The following RELCH variants were observed in gnomAD, a reference collection of about 807,000 sequenced individuals.
RELCH encodes RAB11 binding and LisH domain, coiled-coil and HEAT repeat containing.
A neutral mutation model predicts 150.3 loss-of-function variants in RELCH; 41 were observed. The ratio of observed to expected loss-of-function variants is 0.27; its 90% CI spans 0.21 to 0.35. RELCH has a LOEUF of 0.35. Ranked by LOEUF, RELCH falls within the 10% of genes least tolerant of loss-of-function variation. The probability of loss-of-function intolerance (pLI) is 1.00; values close to 1 mark genes in which losing one functional copy is unlikely to be tolerated. For missense variants in RELCH, 1,092 were observed against 1,467.8 expected (o/e 0.74, Z 4.18); for synonymous variants, 478 against 531.8 (o/e 0.90, Z 1.39).
chr18:62,256,396 T>C (rs2042993712), intron 13 of RELCH, among the ~76,000 whole-genome samples: 1 of 151,988 alleles, frequency 6.6e-6, no homozygotes, highest in Non-Finnish European at 1.5e-5. Flanking sequence ...CACGGTGAAA[T>C]TTTTTTAATG....
rs1292451256 is a variant in RELCH at position 62,205,041 on chromosome 18, C to G, written c.527-6112C>G. ...AATTTTTTACCCATACATCCACCAC[C>G]TAATTCCAGTTAACCATACTTGGTT... On this transcript the variant is annotated intron_variant, in intron 1 of 28. Transcript: ENST00000644646. Among the ~76,000 whole-genome samples the G allele has an allele frequency of 3.3e-5, 5 of 152,306 alleles. No individual in the cohort carries two copies. In the South Asian group the frequency reaches 1.0e-3, roughly 32 times the overall value.
At position 62,187,412 on chromosome 18, in the gene RELCH, G is replaced by C; in HGVS notation, c.-94G>C. ...GGCAGGACGTGGTCAGGCCGGGGCT[G>C]TGGAGGTGCGCTGTGTCCCCTGAGG... is the stretch of plus-strand genomic sequence containing the variant. On this transcript the variant is annotated 5_prime_UTR_variant, in exon 1 of 29. Transcript: ENST00000644646. 8.1e-7 allele frequency: 1 copy of C among 1,237,748 alleles called. No homozygotes were observed. The highest frequency in any genetic ancestry group is 1.1e-6 in the Non-Finnish European group (1 of 946,486). 76.7% of individuals were successfully genotyped at this position (1,237,748 alleles called of 1,614,324 possible).
At chr18:62,223,251 AAGAG>A (rs1382020051) in intron 5 of RELCH, among the ~76,000 whole-genome samples, 1 of 152,024 alleles carries the variant, frequency 6.6e-6, no homozygotes, top group Non-Finnish European at 1.5e-5. Flanking sequence ...GATTAGGAAA[AAGAG>A]AGAAGATACA....
chr18:62,243,174 T>C (rs1435973160), intron 10 of RELCH, among the ~76,000 whole-genome samples: 1 of 152,120 alleles, frequency 6.6e-6, no homozygotes, highest in Non-Finnish European at 1.5e-5. Flanking sequence ...TATCATTGCC[T>C]CTCAGCAGCC....
rs74355326 is a variant in RELCH, at chr18:62,208,968, G to A, written c.527-2185G>A. ...CCTTTTCCAGGTCCTAGAGGATGCC[G>A]GAATTCCTTGGCTCATGGCCCTCCT... On this transcript the variant is annotated intron_variant, in intron 1 of 28. Transcript: ENST00000644646. Among the ~76,000 whole-genome samples, 1,085 of 152,200 alleles carry A rather than the reference G, an allele frequency of 7.1e-3. 14 individuals carry two copies. The highest frequency in any genetic ancestry group is 0.025 in the African/African-American group (1,033 of 41,530).
chr18:62,308,950 T>G lies in RELCH; in HGVS notation c.*3416T>G, dbSNP rs1347218529. On this transcript the variant is annotated 3_prime_UTR_variant, in exon 29 of 29. Coordinates refer to ENST00000644646, the MANE Select transcript of RELCH (RefSeq NM_001346231.2). Reference sequence around the variant, plus strand: ...TTTTTTTCAGTACATTAAAAAGAAATAGAGACTGGCCGGGCACGGTGGCTC... The same window carrying G: ...TTTTTTTCAGTACATTAAAAAGAAAGAGAGACTGGCCGGGCACGGTGGCTC... The G allele has an allele frequency of 9.9e-5, 15 of 151,834 alleles. No homozygotes were observed. The highest frequency in any genetic ancestry group is 9.2e-4 in the Admixed American group (14 of 15,254). The allele number at this position is 151,834 out of a possible 1,614,324, so 9.4% of individuals were successfully genotyped here.
Position 62,257,943 on chromosome 18 carries a change from T to C in RELCH, c.1897-5T>C. The C allele has an allele frequency of 6.3e-7, 1 of 1,584,910 alleles. No homozygotes were observed. Among genetic ancestry groups the C allele is most frequent in the Non-Finnish European group, 8.6e-7 (1 of 1,167,550 alleles). On this transcript the variant is annotated splice_polypyrimidine_tract_variant and splice_region_variant and intron_variant, in intron 13 of 28. Transcript: ENST00000644646. ...AATAAATAGTAAAAACATGTTTATT[T>C]TCAGAAAGAAATCCGTAGCTCCTTG...
At chr18:62,304,504 G>T (rs554001997) in intron 28 of RELCH, among the ~76,000 whole-genome samples, 314 of 152,344 alleles carry the variant, frequency 2.1e-3, no homozygotes, top group African/African-American at 7.2e-3. Context: ...GCCACACGTT[G>T]TCTTTGACAT....
intron 25 of RELCH, among the ~76,000 whole-genome samples, chr18:62,286,843 G>A (rs776823542): frequency 5.3e-5 from 8 of 152,116 alleles, no homozygotes; most frequent in Non-Finnish European, 7.4e-5. Context: ...AAACTCAGCC[G>A]CCAGTGCTGT....
At chr18:62,221,597 TA>T in intron 5 of RELCH, 100 bp downstream of exon 5, 1 of 514,124 alleles carries the variant, frequency 1.9e-6, no homozygotes, top group South Asian at 3.8e-5. Flanking sequence ...GTTATATATA[TA>T]GTAAAATTCT....
At position 62,227,638 on chromosome 18, in the gene RELCH, T is replaced by G. The variant is rs534603181; in HGVS notation, c.1103T>G (p.Leu368Trp). The change falls in exon 7 of 29, where the codon TTG becomes TGG. Residue 368 changes from leucine to tryptophan, a missense_variant. Leu to Trp is a moderately conservative substitution (Grantham distance 61, BLOSUM62 -2). Coordinates refer to ENST00000644646, the MANE Select transcript of RELCH (RefSeq NM_001346231.2). ...CAGAAATTAGAAGATAAAATTAGTT[T>G]GTTAAATAGTGAGAAATGGTCATTG... is the stretch of plus-strand genomic sequence containing the variant. ...LVQKLEDKIS[L>W]LNSEKWSLME... The G allele has an allele frequency of 4.5e-6, 7 of 1,569,910 alleles. No individual in the cohort carries two copies. The highest frequency in any genetic ancestry group is 4.5e-5 in the East Asian group (2 of 44,600).
In RELCH at chr18:62,309,986, T is replaced by C. The variant is rs918121368; in HGVS notation, c.*4452T>C. The stretch of plus-strand genomic sequence containing the variant: ...TGGAAAAGTAACCCTTTCTTAATTG[T>C]TGGCATTTTAAACCTTAGATATTTT... On this transcript the variant is annotated 3_prime_UTR_variant, in exon 29 of 29. Transcript: ENST00000644646. The C allele has an allele frequency of 6.6e-6, 1 of 152,228 alleles. No homozygotes were observed. Among genetic ancestry groups the C allele is most frequent in the African/African-American group, 2.4e-5 (1 of 41,456 alleles). 9.4% of individuals were successfully genotyped at this position (152,228 alleles called of 1,614,324 possible). A position where few individuals can be genotyped will look rare whatever the true frequency, so the allele number is the denominator to read the frequency against.
At chr18:62,288,174 C>A (rs1164451300) in intron 26 of RELCH, among the ~76,000 whole-genome samples, 2 of 152,028 alleles carry the variant, frequency 1.3e-5, no homozygotes, top group East Asian at 3.9e-4. Flanking sequence ...AAAGTGAACT[C>A]CCAACTTTTA....
At chr18:62,290,251 T>C (rs2045043629) in intron 26 of RELCH, among the ~76,000 whole-genome samples, 1 of 152,172 alleles carries the variant, frequency 6.6e-6, no homozygotes, top group African/African-American at 2.4e-5. Context: ...ATCATCTTTA[T>C]GGCCGGGCAC....
rs563120344 is a variant in RELCH at position 62,247,996 on chromosome 18, A to G, written c.1733+3120A>G. 2.6e-5 allele frequency among the ~76,000 whole-genome samples: 4 copies of G among 152,266 alleles called. No individual in the cohort carries two copies. The East Asian group carries it at 7.7e-4, about 29-fold the overall frequency. On this transcript the variant is annotated intron_variant, in intron 11 of 28. Coordinates refer to ENST00000644646, the MANE Select transcript of RELCH (RefSeq NM_001346231.2). ...ATCCTGATGGACAAAATGTAAATGT[A>G]TATGTTCCTGCAATATCAGGCCCTG... is the stretch of plus-strand genomic sequence containing the variant.
chr18:62,268,908 T>C lies in RELCH; in HGVS notation c.2720T>C (p.Val907Ala), dbSNP rs2043736996. ...AGNGVLTKAT[V>A]PIYATGVLTC... ...AATGGGGTCCTCACTAAAGCTACAG[T>C]CCCCATTTATGCAACAGGAGTCCTT... The change falls in exon 20 of 29, where the codon GTC (valine) becomes GCC (alanine). Residue 907 changes from valine to alanine, a missense_variant. This residue lies in a region of RELCH where 707 missense variants were observed against 1,025.4 expected (regional missense o/e 0.69). Transcript: ENST00000644646. The C allele has an allele frequency of 6.4e-7, 1 of 1,555,524 alleles. No homozygotes were observed.
chr18:62,253,267 T>TGTG (rs2042820373), intron 12 of RELCH, among the ~76,000 whole-genome samples: 1 of 136,454 alleles, frequency 7.3e-6, no homozygotes, highest in Non-Finnish European at 1.6e-5. Context: ...AGCAAGAAGA[T>TGTG]TGTGTGTGTG....
intron 5 of RELCH, among the ~76,000 whole-genome samples, chr18:62,222,607 G>T (rs966990251): frequency 1.3e-5 from 2 of 151,816 alleles, no homozygotes; most frequent in Non-Finnish European, 2.9e-5. Flanking sequence ...AGTCCTTCTC[G>T]AATAAAAATC....
In RELCH at chr18:62,287,550, A is replaced by C. The variant is rs534070609; in HGVS notation, c.3370+83A>C. The C allele has an allele frequency of 1.1e-4, 84 of 770,980 alleles. 1 individual carries two copies. The South Asian group carries it at 1.2e-3, about 11-fold the overall frequency. The allele number at this position is 770,980 out of a possible 1,614,324, so 47.8% of individuals were successfully genotyped here. On this transcript the variant is annotated intron_variant, in intron 26 of 28. Transcript: ENST00000644646. ...TTGGTTGGTAAAGATTGAAAAGTAG[A>C]ACTTCTTTTCTTCAACTTACATTAA... is the stretch of plus-strand genomic sequence containing the variant.
Sources: gnomAD v4.1 joint callset for allele counts (sites outside exome capture counted in the v4.1 genomes callset) on GRCh38, gnomAD v4.1.1 for gene constraint, gnomAD v4.1.1 regional missense constraint, MANE v1.5 for transcripts, NCBI Gene and HGNC (gene_info 2026-07-23, HGNC 2026-07-21) for gene names.